The following RDH13 variants were observed in gnomAD, a reference collection of about 807,000 sequenced individuals.
RDH13 encodes the protein retinol dehydrogenase 13 (all-trans and 9-cis).
In RDH13, 35 loss-of-function variants were observed where a neutral mutation model predicts 28.3. The observed-to-expected ratio is 1.24, with a 90% CI of 0.95 to 1.64. The LOEUF (loss-of-function observed/expected upper bound fraction) is 1.64. Ranked by LOEUF, RDH13 falls within the 40% of genes most tolerant of loss-of-function variation. The pLI is 0.00. For missense variants in RDH13, 514 were observed against 446.3 expected, an observed-to-expected ratio of 1.15 and a Z score of -1.37; for synonymous variants, 229 against 198.5, an observed-to-expected ratio of 1.15 and a Z score of -1.29.
At chr19:55,065,265 C>T (rs565355433), upstream of RDH13, among the ~76,000 whole-genome samples, 1 of 151,348 alleles carries the variant, frequency 6.6e-6, no homozygotes, top group South Asian at 2.1e-4. Context: ...GCATCTGCAC[C>T]CTCAGCTACT....
rs10417485 is a variant in RDH13, at chr19:55,063,064, G to A, written c.-32C>T. The A allele has an allele frequency of 3.3e-5, 40 of 1,203,828 alleles. No individual in the cohort carries two copies. The highest frequency in any genetic ancestry group is 6.7e-5 in the Admixed American group (1 of 14,850). The allele number at this position is 1,203,828 out of a possible 1,614,324, so 74.6% of individuals were successfully genotyped here. ...CCGGGGACAGGCGTCAGGCGTCAGG[G>A]GTCGGCGCGGAGCTTGCTGCACACC... On this transcript the variant is annotated 5_prime_UTR_variant, in exon 1 of 7. Transcript: ENST00000415061.
chr19:55,046,220 C>A (rs1235927553), intron 6 of RDH13, among the ~76,000 whole-genome samples: 2 of 145,492 alleles, frequency 1.4e-5, no homozygotes, highest in Non-Finnish European at 3.0e-5. Flanking sequence ...GCACTCCAGC[C>A]TGGGTGACGA....
chr19:55,061,513 C>A (rs180853296), intron 1 of RDH13, among the ~76,000 whole-genome samples: 1 of 151,908 alleles, frequency 6.6e-6, no homozygotes, highest in African/African-American at 2.4e-5. Flanking sequence ...AAGGCAGGAC[C>A]GGCACAGTGC....
rs565711320 is a variant in RDH13, at chr19:55,048,431, C to T, written c.556G>A (p.Asp186Asn). The change falls in exon 5 of 7, where the codon GAC becomes AAC. Residue 186 changes from aspartate to asparagine, a missense_variant. Asp to Asn is a conservative substitution (Grantham distance 23). Coordinates refer to ENST00000415061, the MANE Select transcript of RDH13 (RefSeq NM_001145971.2). ...TACTTCCTCGTCTGCCAGTTCAAGTCGTCAAAGTCTATGTGCCCAGCAACA... is the reference window on the plus strand; with the variant it reads ...TACTTCCTCGTCTGCCAGTTCAAGTTGTCAAAGTCTATGTGCCCAGCAACA... The part of the protein sequence containing the change: ...AHVAGHIDFD[D>N]LNWQTRKYNT... 3.2e-5 allele frequency: 52 copies of T among 1,614,188 alleles called. No individual in the cohort carries two copies. In the African/African-American group the frequency reaches 3.6e-4, roughly 11 times the overall value.
intron 2 of RDH13, among the ~76,000 whole-genome samples, chr19:55,057,214 C>A (rs2075666276): frequency 6.6e-6 from 1 of 152,020 alleles, no homozygotes; most frequent in Non-Finnish European, 1.5e-5. Context: ...AAAATAGATT[C>A]TTGGTTTTCT....
At chr19:55,065,465 AC>A (rs918455985), upstream of RDH13, among the ~76,000 whole-genome samples, 3 of 151,724 alleles carry the variant, frequency 2.0e-5, no homozygotes, top group Non-Finnish European at 4.4e-5. Flanking sequence ...TGAAAAAAAA[AC>A]AACACTGTTT....
chr19:55,066,334 G>T (rs1055280914), upstream of RDH13, among the ~76,000 whole-genome samples: 2 of 152,098 alleles, frequency 1.3e-5, no homozygotes, highest in African/African-American at 4.8e-5. Flanking sequence ...CCATCAGAGG[G>T]TTTATGGCAC....
intron 3 of RDH13, among the ~76,000 whole-genome samples, chr19:55,055,805 AC>A (rs1879614360): frequency 6.6e-6 from 1 of 150,906 alleles, no homozygotes; most frequent in Non-Finnish European, 1.5e-5. Flanking sequence ...GTGAGCCATG[AC>A]TGCACCACTG....
At chr19:55,057,557 C>T (rs1434972656) in intron 2 of RDH13, among the ~76,000 whole-genome samples, 1 of 151,528 alleles carries the variant, frequency 6.6e-6, no homozygotes, top group African/African-American at 2.4e-5. Flanking sequence ...CTCAGCCTCC[C>T]GAGTAGCTGG....
chr19:55,052,434 C>T (rs561960628), intron 3 of RDH13, among the ~76,000 whole-genome samples: 2 of 151,458 alleles, frequency 1.3e-5, no homozygotes, highest in East Asian at 4.0e-4. Flanking sequence ...ATCCCAGCTA[C>T]TCGGGAGGCT....
chr19:55,062,909 C>A, intron 1 of RDH13, 59 bp downstream of exon 1: 1 of 1,350,714 alleles, frequency 7.4e-7, no homozygotes, highest in Non-Finnish European at 9.6e-7. Context: ...CCGCCGCCTT[C>A]CCGGCCCCTG....
intron 1 of RDH13, among the ~76,000 whole-genome samples, chr19:55,060,024 AAC>A (rs1402833795): frequency 1.3e-5 from 2 of 152,190 alleles, no homozygotes; most frequent in African/African-American, 2.4e-5. Flanking sequence ...TCTGCCCTTG[AAC>A]ACAGAGTATT....
chr19:55,058,354 C>A (rs2075702900), intron 2 of RDH13, among the ~76,000 whole-genome samples: 1 of 151,408 alleles, frequency 6.6e-6, no homozygotes, highest in South Asian at 2.1e-4. Flanking sequence ...TGCCACTGCA[C>A]TCCAGCCTGG....
intron 3 of RDH13, among the ~76,000 whole-genome samples, chr19:55,055,459 T>C (rs531533832): frequency 6.6e-6 from 1 of 152,148 alleles, no homozygotes; most frequent in South Asian, 2.1e-4. Context: ...CAGCCAGTTC[T>C]GTCTTCTTTA....
At chr19:55,055,094 A>ACTAGAAAG (rs1337503872) in intron 3 of RDH13, among the ~76,000 whole-genome samples, 2 of 152,098 alleles carry the variant, frequency 1.3e-5, no homozygotes, top group Admixed American at 6.6e-5. Context: ...TATAAACAAG[A>ACTAGAAAG]CTAGAAAGAT....
intron 3 of RDH13, among the ~76,000 whole-genome samples, chr19:55,052,237 T>G (rs1046555313): frequency 2.0e-5 from 3 of 151,652 alleles, no homozygotes; most frequent in African/African-American, 7.2e-5. Flanking sequence ...GGTGAAACCC[T>G]GTCTCTACCT....
At chr19:55,052,661 TGTTTTTTA>T (rs1046383579) in intron 3 of RDH13, among the ~76,000 whole-genome samples, 1 of 149,356 alleles carries the variant, frequency 6.7e-6, no homozygotes, top group African/African-American at 2.4e-5. Context: ...CCTGCCTCAT[TGTTTTTTA>T]TTTTTTTTTT....
rs1282743252 is a variant in RDH13, at chr19:55,056,700, A to G, written c.293T>C (p.Leu98Ser). 6.2e-7 allele frequency: 1 copy of G among 1,614,070 alleles called. No individual in the cohort carries two copies. The highest frequency in any genetic ancestry group is 2.2e-5 in the East Asian group (1 of 44,882). The change falls in exon 3 of 7, where the codon TTG (leucine) becomes TCG (serine). Residue 98 changes from leucine (L) to serine (S), a missense_variant. Physicochemically the swap from Leu to Ser is moderately radical, Grantham distance 145. Transcript: ENST00000415061. ...CTCTCGGATAGACTTGAGGGAAGCC[A>G]AGTCCAGGTGCCGGGCGTTGACATG... ...NHHVNARHLDLASLKSIREFA... is the reference protein window; with the variant it reads ...NHHVNARHLDSASLKSIREFA...
chr19:55,051,416 T>G (rs1456439240), intron 3 of RDH13, among the ~76,000 whole-genome samples: 1 of 146,686 alleles, frequency 6.8e-6, no homozygotes, highest in African/African-American at 2.6e-5. Context: ...TGGTGTTTTG[T>G]TTTGGTTTTT....
Sources: allele counts gnomAD v4.1 joint callset (sites outside exome capture counted in the v4.1 genomes callset), GRCh38; gene constraint gnomAD v4.1.1; transcripts MANE v1.5; gene names NCBI Gene and HGNC (gene_info 2026-07-23, HGNC 2026-07-21).